Variants in CHRNB1 observed in about 807,000 individuals in gnomAD.
CHRNB1 encodes the protein acetylcholine receptor subunit beta.
CHRNB1 carries 47 observed loss-of-function variants against 53.8 expected under a neutral mutation model. The observed-to-expected ratio is 0.87, with a 90% confidence interval of 0.69 to 1.11. The LOEUF is 1.11. Among genes scored for constraint, CHRNB1 ranks in the 50% most tolerant of loss-of-function variants. CHRNB1 has a pLI of 0.00. For synonymous variants in CHRNB1, 259 were observed against 263.5 expected (o/e 0.98, Z 0.16); for missense variants, 605 against 654.9 (o/e 0.92, Z 0.83).
chr17:7,455,739 G>A lies in CHRNB1; in HGVS notation c.1218-55G>A, dbSNP rs2069943049. 1.3e-5 allele frequency: 21 copies of A among 1,613,034 alleles called. 1 individual carries two copies. The highest frequency in any genetic ancestry group is 7.7e-5 in the South Asian group (7 of 91,046). On this transcript the variant is annotated intron_variant, in intron 9 of 10. Transcript: ENST00000306071. ...TGGAGGCAGCTGGAGCGGGGCCTGG[G>A]TCGCCGGCACTGGCTGTCTTTGCGT...
chr17:7,455,658 C>A, intron 9 of CHRNB1, 136 bp from the exon 10 acceptor site: 1 of 1,321,918 alleles, frequency 7.6e-7, no homozygotes. Context: ...CTAGAGAGAT[C>A]ACTGCTGGAG....
At chr17:7,446,364 T>C in intron 3 of CHRNB1, 1 of 549,404 alleles carries the variant, frequency 1.8e-6, no homozygotes, top group Admixed American at 3.1e-5. Flanking sequence ...TGTGTGTGTG[T>C]GTGTGTGTGA....
In CHRNB1 at chr17:7,445,881, C is replaced by A. The variant is rs1233510326; in HGVS notation, c.199-188C>A. ...GTTGATAGGCTGGGAGTGTAGACGG[C>A]AGGAAGAGGTGTTTCTGAGATAGAG... On this transcript the variant is annotated intron_variant, in intron 2 of 10. Transcript: ENST00000306071. The surrounding 1 kb of genome is among the most constrained non-coding windows in gnomAD (Gnocchi z 5.7). 2 of 654,852 alleles carry A rather than the reference C, an allele frequency of 3.1e-6. No individual in the cohort carries two copies. Among genetic ancestry groups the A allele is most frequent in the Non-Finnish European group, 5.5e-6 (2 of 364,412 alleles). The allele number at this position is 654,852 out of a possible 1,614,324, so 40.6% of individuals were successfully genotyped here.
chr17:7,446,313 G>GTC (rs1908613422), intron 3 of CHRNB1, 200 bp downstream of exon 3: 2 of 405,948 alleles, frequency 4.9e-6, no homozygotes, highest in Non-Finnish European at 8.5e-6. Flanking sequence ...TTGTGTGTGT[G>GTC]TGTGTGTGTG....
At chr17:7,452,840 T>C (rs1908937306) in intron 7 of CHRNB1, among the ~76,000 whole-genome samples, 1 of 152,158 alleles carries the variant, frequency 6.6e-6, no homozygotes, top group Admixed American at 6.5e-5. Flanking sequence ...CTGGCCAACA[T>C]GGTGAAACCC....
At position 7,445,164 on chromosome 17, in the gene CHRNB1, C is replaced by T; in HGVS notation, c.37C>T (p.Leu13=). The change falls in exon 1 of 11, where the codon CTG becomes TTG. Residue 13 remains leucine (L), a synonymous_variant. Coordinates refer to ENST00000306071, the MANE Select transcript of CHRNB1 (RefSeq NM_000747.3). The surrounding 1 kb of genome is among the most constrained non-coding windows in gnomAD (Gnocchi z 5.7). ...GGCTCTGCTGATGCTGCTGGGGGCG[C>T]TGGGGGCGCCGCTCGCCCCAGGTAA... ...PGALLMLLGA[L]GAPLAPGVRG... is the part of the protein sequence containing the mutation. 6.2e-7 allele frequency: 1 copy of T among 1,609,516 alleles called. No individual in the cohort carries two copies. The highest frequency in any genetic ancestry group is 1.8e-4 in the Middle Eastern group (1 of 5,490).
intron 3 of CHRNB1, chr17:7,446,412 C>T (rs1908632301): frequency 1.9e-6 from 1 of 532,140 alleles, no homozygotes; most frequent in Non-Finnish European, 3.4e-6. Context: ...TTCTTGAATG[C>T]GGGGGCTCGA....
chr17:7,446,922 T>C lies in CHRNB1; in HGVS notation c.333T>C (p.Pro111=). Residue 111 remains proline, a synonymous_variant, in exon 4 of 11, where the codon CCT becomes CCC. Transcript: ENST00000306071. ...TCACGGCGGAATCCGTGTGGCTCCC[T>C]GACGTGGTGCTACTGAACAAGTAGG... ...LRITAESVWL[P]DVVLLNNNDG... 1 of 1,613,452 alleles carries C rather than the reference T, an allele frequency of 6.2e-7. No homozygotes were observed. The highest frequency in any genetic ancestry group is 8.5e-7 in the Non-Finnish European group (1 of 1,179,842).
At chr17:7,455,189 C>T in intron 8 of CHRNB1, 95 bp from the exon 9 acceptor site, 1 of 1,362,084 alleles carries the variant, frequency 7.3e-7, no homozygotes, top group Non-Finnish European at 1.0e-6. Context: ...CATACTCACG[C>T]GCGGGAATGG....
chr17:7,453,058 A>G (rs1213465056), intron 7 of CHRNB1, among the ~76,000 whole-genome samples: 1 of 152,204 alleles, frequency 6.6e-6, no homozygotes, highest in Non-Finnish European at 1.5e-5. Context: ...AGGGAAGACT[A>G]TCAGAGGAGT....
chr17:7,447,283 C>T (rs1202579553), intron 5 of CHRNB1, 132 bp downstream of exon 5: 1 of 940,486 alleles, frequency 1.1e-6, no homozygotes, highest in Non-Finnish European at 1.7e-6. Flanking sequence ...CTCACCTCGT[C>T]TACCCTCCTG....
rs1250306631 is a variant in CHRNB1, at chr17:7,448,620, ATCCAGCC to A, written c.658_664del (p.Pro220AlafsTer64). On this transcript the variant is annotated frameshift_variant, in exon 7 of 11. Coordinates refer to ENST00000306071, the MANE Select transcript of CHRNB1 (RefSeq NM_000747.3). LOFTEE classifies it high-confidence loss of function. The stretch of plus-strand genomic sequence containing the variant: ...GATTATCCACAAGCCCTCTCGGCTA[ATCCAGCC>A]TCCAGGCGATCCTAGGGGAGGGAGG... 6.2e-7 allele frequency: 1 copy of A among 1,614,164 alleles called. No individual in the cohort carries two copies. Among genetic ancestry groups the A allele is most frequent in the South Asian group, 1.1e-5 (1 of 91,080 alleles).
Position 7,454,538 on chromosome 17 carries a change from C to T in CHRNB1, c.1044+18C>T. 1 of 1,602,274 alleles carries T rather than the reference C, an allele frequency of 6.2e-7. No homozygotes were observed. On this transcript the variant is annotated intron_variant, in intron 8 of 10. Coordinates refer to ENST00000306071, the MANE Select transcript of CHRNB1 (RefSeq NM_000747.3). ...TCCGTCAGGTAAGAAAGATCTCCTC[C>T]TCCAACCCCAATTTTCCTTTTACAG...
At chr17:7,446,301 T>C (rs1191258409) in intron 3 of CHRNB1, 188 bp downstream of exon 3, 1 of 541,556 alleles carries the variant, frequency 1.8e-6, no homozygotes, top group Admixed American at 3.3e-5. Context: ...TTAATTCCAA[T>C]TTTGTGTGTG....
At chr17:7,452,950 A>T (rs1226212745) in intron 7 of CHRNB1, among the ~76,000 whole-genome samples, 1 of 152,200 alleles carries the variant, frequency 6.6e-6, no homozygotes, top group East Asian at 1.9e-4. Flanking sequence ...CTTGAACCCA[A>T]GAGGCAGAGG....
intron 7 of CHRNB1, among the ~76,000 whole-genome samples, chr17:7,449,772 C>T (rs1415509839): frequency 6.7e-6 from 1 of 149,284 alleles, no homozygotes; most frequent in African/African-American, 2.5e-5. Flanking sequence ...CCACCGGGCG[C>T]GGTGGCTCAC....
At chr17:7,446,313 G>C (rs1908613325) in intron 3 of CHRNB1, 200 bp downstream of exon 3, 1 of 405,922 alleles carries the variant, frequency 2.5e-6, no homozygotes, top group Non-Finnish European at 4.2e-6. Context: ...TTGTGTGTGT[G>C]TGTGTGTGTG....
rs550587914 is a variant in CHRNB1 at position 7,445,735 on chromosome 17, C to T, written c.198+326C>T. ...CCTGAGTGCCCAGGGTGGGGCGGAG[C>T]TTGGTGCTCAGGGGTCAATAAATGG... On this transcript the variant is annotated intron_variant, in intron 2 of 10. Transcript: ENST00000306071. The surrounding 1 kb of genome is among the most constrained non-coding windows in gnomAD (Gnocchi z 5.7). 4.7e-4 allele frequency: 380 copies of T among 816,906 alleles called. 1 individual carries two copies. Among genetic ancestry groups the T allele is most frequent in the South Asian group, 3.2e-3 (178 of 54,846 alleles). 50.6% of individuals were successfully genotyped at this position (816,906 alleles called of 1,614,324 possible). A position where few individuals can be genotyped will look rare whatever the true frequency, so the allele number is the denominator to read the frequency against.
chr17:7,450,127 C>T (rs1908832411), intron 7 of CHRNB1, among the ~76,000 whole-genome samples: 1 of 150,530 alleles, frequency 6.6e-6, no homozygotes, highest in Admixed American at 6.7e-5. Context: ...AATAGGATAA[C>T]TTTTGGCAAA....
Sources: gnomAD v4.1 joint callset for allele counts (sites outside exome capture counted in the v4.1 genomes callset) on GRCh38, gnomAD v4.1.1 for gene constraint, Gnocchi (gnomAD v3.1) non-coding constraint, MANE v1.5 for transcripts, NCBI Gene and HGNC (gene_info 2026-07-23, HGNC 2026-07-21) for gene names.